Variants in EXTL3 observed in about 807,000 individuals in gnomAD.
The protein encoded by EXTL3 is exostosin-like 3.
EXTL3 carries 27 observed loss-of-function variants against 69.3 expected under a neutral mutation model. The observed-to-expected ratio is 0.39, with a 90% CI of 0.29 to 0.54. EXTL3 has a LOEUF of 0.54. EXTL3 is among the 20% of genes least tolerant of loss of function. EXTL3 has a pLI of 0.69. For missense variants in EXTL3, 1,003 were observed against 1,231.8 expected, an observed-to-expected ratio of 0.81 and a Z score of 2.78; for synonymous variants, 511 against 499.4, an observed-to-expected ratio of 1.02 and a Z score of -0.31.
chr8:28,731,387 A>G (rs2071340), intron 4 of EXTL3, 37 bp downstream of exon 4: 522,987 of 1,611,578 alleles, frequency 0.32, 86,421 homozygotes, highest in Middle Eastern at 0.38. Flanking sequence ...TTTAGGTTGC[A>G]AGTGACAGAA....
chr8:28,719,449 C>T (rs1332781789), intron 3 of EXTL3, among the ~76,000 whole-genome samples: 1 of 152,202 alleles, frequency 6.6e-6, no homozygotes, highest in Non-Finnish European at 1.5e-5. Context: ...TTCTTGTATC[C>T]TCTCTACATC....
Position 28,717,610 on chromosome 8 carries a change from G to T in EXTL3, c.1551G>T (p.Glu517Asp). The change falls in exon 3 of 7, where the codon GAG (glutamate) becomes GAT (aspartate). Residue 517 changes from glutamate (E) to aspartate (D), a missense_variant. Coordinates refer to ENST00000220562, the MANE Select transcript of EXTL3 (RefSeq NM_001440.4). This position sits in a 1 kb window ranked among gnomAD's most constrained non-coding sequence, Gnocchi z 8.3. ...GGCGGCAAGGCCGCTTTCTCTGGGA[G>T]ACTTACTTCTCCACTGCTGACAGTA... ...AMRRQGRFLW[E>D]TYFSTADSIF... 12 of 1,614,220 alleles carry T rather than the reference G, an allele frequency of 7.4e-6. No individual in the cohort carries two copies. The highest frequency in any genetic ancestry group is 1.0e-5 in the Non-Finnish European group (12 of 1,180,042).
Position 28,713,553 on chromosome 8 carries a change from G to A in EXTL3, c.-476+3G>A. ...AAGGAAGGGTCCTGAAACACATGGT[G>A]AGGAAGGAATGAGTCAGCTGGATTG... On this transcript the variant is annotated splice_donor_region_variant and intron_variant, in intron 2 of 6. Coordinates refer to ENST00000220562, the MANE Select transcript of EXTL3 (RefSeq NM_001440.4). 1.4e-6 allele frequency: 1 copy of A among 702,284 alleles called. No homozygotes were observed. Among genetic ancestry groups the A allele is most frequent in the South Asian group, 1.5e-5 (1 of 67,564 alleles). 43.5% of individuals were successfully genotyped at this position (702,284 alleles called of 1,614,324 possible). A position where few individuals can be genotyped will look rare whatever the true frequency, so the allele number is the denominator to read the frequency against.
At chr8:28,704,733 G>A (rs1327902465) in intron 1 of EXTL3, among the ~76,000 whole-genome samples, 1 of 151,776 alleles carries the variant, frequency 6.6e-6, no homozygotes, top group Non-Finnish European at 1.5e-5. Flanking sequence ...GCAATGGCAT[G>A]ATCTCAGGTG....
chr8:28,706,862 A>G (rs1315880355), intron 1 of EXTL3, among the ~76,000 whole-genome samples: 1 of 151,650 alleles, frequency 6.6e-6, no homozygotes, highest in Non-Finnish European at 1.5e-5. Context: ...TTCTGAATAC[A>G]TAGAATCATT....
chr8:28,637,836 A>G (rs1260960932), intron 1 of EXTL3, among the ~76,000 whole-genome samples: 1 of 152,098 alleles, frequency 6.6e-6, no homozygotes, highest in African/African-American at 2.4e-5. Flanking sequence ...AATTATTTCT[A>G]TCCAGGGACC....
chr8:28,727,974 A>C (rs1585284117), intron 3 of EXTL3, among the ~76,000 whole-genome samples: 1 of 152,186 alleles, frequency 6.6e-6, no homozygotes, highest in African/African-American at 2.4e-5. Context: ...CAAAACTGAT[A>C]ATCTACAAGC....
At chr8:28,738,391 T>G (rs1801697508) in intron 5 of EXTL3, among the ~76,000 whole-genome samples, 1 of 152,184 alleles carries the variant, frequency 6.6e-6, no homozygotes, top group Non-Finnish European at 1.5e-5. Context: ...GCTCAGTAAT[T>G]GTTTGTGTTG....
At position 28,710,515 on chromosome 8, in the gene EXTL3, G is replaced by T. The variant is rs771937715; in HGVS notation, c.-569-2942G>T. 33 of 455,836 alleles carry T rather than the reference G, an allele frequency of 7.2e-5. 1 individual carries two copies. The highest frequency in any genetic ancestry group is 5.1e-4 in the South Asian group (33 of 64,558). The allele number at this position is 455,836 out of a possible 1,614,324, so 28.2% of individuals were successfully genotyped here. A position where few individuals can be genotyped will look rare whatever the true frequency, so the allele number is the denominator to read the frequency against. ...GGAGAAATGAAGGTGTAAGTGGGGA[G>T]AATTTTTATGCTTCTGGATAGGATT... On this transcript the variant is annotated intron_variant, in intron 1 of 6. Transcript: ENST00000220562.
intron 1 of EXTL3, among the ~76,000 whole-genome samples, chr8:28,694,999 GA>G (rs1800664036): frequency 6.6e-6 from 1 of 152,132 alleles, no homozygotes; most frequent in African/African-American, 2.4e-5. Flanking sequence ...CTGGGTGGCA[GA>G]GTAAGACTCT....
chr8:28,709,595 A>T (rs1462414811), intron 1 of EXTL3, among the ~76,000 whole-genome samples: 4 of 152,124 alleles, frequency 2.6e-5, no homozygotes, highest in African/African-American at 9.7e-5. Context: ...ATATAAAAAA[A>T]TTTACAGTTT....
intron 1 of EXTL3, among the ~76,000 whole-genome samples, chr8:28,643,197 T>C (rs141077743): frequency 2.1e-4 from 32 of 152,120 alleles, no homozygotes; most frequent in African/African-American, 7.7e-4. Flanking sequence ...TGAGCCTAGA[T>C]TGAGCCACTT....
At chr8:28,681,199 A>C (rs1807481290) in intron 1 of EXTL3, among the ~76,000 whole-genome samples, 1 of 151,702 alleles carries the variant, frequency 6.6e-6, no homozygotes, top group Non-Finnish European at 1.5e-5. Context: ...TATAAGGCTG[A>C]ATAGTATTCC....
In EXTL3 at chr8:28,753,726, T is replaced by C. The variant is rs1189447428; in HGVS notation, c.*2860T>C. On this transcript the variant is annotated 3_prime_UTR_variant, in exon 7 of 7. Transcript: ENST00000220562. The stretch of plus-strand genomic sequence containing the variant: ...CTTTTGTGGTTTTCCTCAGCAAGTA[T>C]GGAAGAGTGACCTGAGAGAAGGCAC... 1 of 152,710 alleles carries C rather than the reference T, an allele frequency of 6.5e-6. No individual in the cohort carries two copies. The allele number at this position is 152,710 out of a possible 1,614,324, so 9.5% of individuals were successfully genotyped here. A position where few individuals can be genotyped will look rare whatever the true frequency, so the allele number is the denominator to read the frequency against.
chr8:28,621,119 G>T (rs368905127), upstream of EXTL3, among the ~76,000 whole-genome samples: 2 of 152,080 alleles, frequency 1.3e-5, no homozygotes, highest in Non-Finnish European at 2.9e-5. Context: ...GAATCTCCAG[G>T]TGTGCACTGA....
intron 1 of EXTL3, among the ~76,000 whole-genome samples, chr8:28,640,927 T>TG (rs1806732521): frequency 6.6e-6 from 1 of 152,032 alleles, no homozygotes; most frequent in African/African-American, 2.4e-5. Context: ...AACAGACTAG[T>TG]GTAGTATGAT....
chr8:28,720,044 C>T (rs1373713183), intron 3 of EXTL3, among the ~76,000 whole-genome samples: 2 of 152,024 alleles, frequency 1.3e-5, no homozygotes, highest in Non-Finnish European at 2.9e-5. Flanking sequence ...TTTTCTGGTC[C>T]TTTTAAAAAA....
intron 3 of EXTL3, among the ~76,000 whole-genome samples, chr8:28,725,478 G>C (rs1801393762): frequency 1.3e-5 from 2 of 152,172 alleles, no homozygotes; most frequent in Admixed American, 6.5e-5. Flanking sequence ...GATTATTAAA[G>C]ATATTGAATG....
At chr8:28,656,285 G>C (rs933049471) in intron 1 of EXTL3, among the ~76,000 whole-genome samples, 5 of 151,122 alleles carry the variant, frequency 3.3e-5, no homozygotes, top group African/African-American at 1.2e-4. Context: ...TGATTCTCCT[G>C]CCTCAGCCTC....
Sources: gnomAD v4.1 joint callset for allele counts (sites outside exome capture counted in the v4.1 genomes callset) on GRCh38, gnomAD v4.1.1 for gene constraint, Gnocchi (gnomAD v3.1) non-coding constraint, MANE v1.5 for transcripts, NCBI Gene and HGNC (gene_info 2026-07-23, HGNC 2026-07-21) for gene names.